DNHD1: variants seen among roughly 807,000 people sequenced by gnomAD.
DNHD1 encodes the protein dynein heavy chain domain-containing protein 1.
Under a neutral mutation model 458.1 loss-of-function variants are expected in DNHD1, and 383 were observed. That is an observed-to-expected ratio of 0.84 (90% CI 0.77 to 0.91). The LOEUF is 0.91. Among genes scored for constraint, DNHD1 ranks in the 40% least tolerant of loss-of-function variants. The probability of loss-of-function intolerance (pLI) is 0.00; values close to 1 mark genes in which losing one functional copy is unlikely to be tolerated. For missense variants in DNHD1, 5,336 were observed against 5,866.1 expected (o/e 0.91, Z 2.95); for synonymous variants, 2,203 against 2,376.9 (o/e 0.93, Z 2.13).
In DNHD1 at chr11:6,557,951, G is replaced by C; in HGVS notation, c.8656G>C (p.Gly2886Arg). ...GGTGCTGGCCAGGCCCCGGCAGCAT[G>C]GCCTGCTGCTCTCGGGGGCTCTGGG... ...VRVLARPRQH[G>R]LLLSGALGTG... is the part of the protein sequence containing the mutation. The change falls in exon 25 of 43, where the codon GGC (glycine) becomes CGC (arginine). Residue 2886 changes from glycine to arginine, a missense_variant. By Grantham distance (125) the Gly-to-Arg change is moderately radical. Around this residue, in one of 4 missense-constraint regions of DNHD1, gnomAD observed 3,932 missense variants for 4,365.6 expected, o/e 0.90. Transcript: ENST00000254579. 2 of 1,551,644 alleles carry C rather than the reference G, an allele frequency of 1.3e-6. No individual in the cohort carries two copies. The highest frequency in any genetic ancestry group is 1.7e-6 in the Non-Finnish European group (2 of 1,147,002).
rs922090979 is a variant in DNHD1 at position 6,505,712 on chromosome 11, G to A, written c.920+2786G>A. 2.0e-5 allele frequency among the ~76,000 whole-genome samples: 3 copies of A among 152,158 alleles called. No homozygotes were observed. The highest frequency in any genetic ancestry group is 7.2e-5 in the African/African-American group (3 of 41,436). ...CTAATATAGGATCTTCTTTGGTTTG[G>A]TAATGTCCTTGGCCTAAAACAGTAC... On this transcript the variant is annotated intron_variant, in intron 4 of 42. Coordinates refer to ENST00000254579, the MANE Select transcript of DNHD1 (RefSeq NM_144666.3). The surrounding 1 kb of genome is among the most constrained non-coding windows in gnomAD (Gnocchi z 4.4).
chr11:6,571,488 G>A lies in DNHD1; in HGVS notation c.13911+65G>A. The A allele has an allele frequency of 6.7e-7, 1 of 1,482,246 alleles. No homozygotes were observed. Among genetic ancestry groups the A allele is most frequent in the Non-Finnish European group, 9.0e-7 (1 of 1,110,122 alleles). 91.8% of individuals were successfully genotyped at this position (1,482,246 alleles called of 1,614,324 possible). A position where few individuals can be genotyped will look rare whatever the true frequency, so the allele number is the denominator to read the frequency against. ...TCGAAGTCTCTAATTACACCTCGCA[G>A]TTACCCCTTCTTGGTGATCTTGCCC... On this transcript the variant is annotated intron_variant, in intron 42 of 42. Transcript: ENST00000254579. This position sits in a 1 kb window ranked among gnomAD's most constrained non-coding sequence, Gnocchi z 5.0.
intron 24 of DNHD1, among the ~76,000 whole-genome samples, chr11:6,550,707 C>T (rs752688115): frequency 6.6e-6 from 1 of 151,980 alleles, no homozygotes; most frequent in Non-Finnish European, 1.5e-5. Flanking sequence ...AAATAGTTTG[C>T]ATAAGGAAGT....
intron 17 of DNHD1, 121 bp from the exon 18 acceptor site, chr11:6,539,755 C>T: frequency 4.6e-6 from 4 of 862,304 alleles, no homozygotes; most frequent in East Asian, 2.7e-5. Context: ...ATCTCTGAGA[C>T]CTCCACTTTC....
intron 10 of DNHD1, chr11:6,520,566 C>G (rs1032443487): frequency 7.9e-7 from 1 of 1,264,196 alleles, no homozygotes; most frequent in African/African-American, 1.5e-5. Context: ...TGATTCATCC[C>G]AAACTCTGTG....
At chr11:6,506,834 T>C (rs1237910867) in intron 4 of DNHD1, among the ~76,000 whole-genome samples, 2 of 152,186 alleles carry the variant, frequency 1.3e-5, no homozygotes. Flanking sequence ...GGGAGGGGTT[T>C]GGGTTTGTTG....
chr11:6,550,896 T>C (rs2134436793), intron 24 of DNHD1, among the ~76,000 whole-genome samples: 1 of 152,262 alleles, frequency 6.6e-6, no homozygotes, highest in African/African-American at 2.4e-5. Flanking sequence ...AAAAGAGACA[T>C]AGTAAATCTG....
chr11:6,520,001 G>T lies in DNHD1; in HGVS notation c.1684G>T (p.Val562Phe). 6.2e-7 allele frequency: 1 copy of T among 1,614,130 alleles called. No individual in the cohort carries two copies. Among genetic ancestry groups the T allele is most frequent in the Non-Finnish European group, 8.5e-7 (1 of 1,180,040 alleles). ...RQKPFLSSQL[V>F]FDDHGQLSHV... ...GAAACCCTTTCTCTCATCACAGCTG[G>T]TCTTTGATGATCATGGTCAACTGTC... Residue 562 changes from valine to phenylalanine, a missense_variant, in exon 9 of 43, where the codon GTC becomes TTC. By Grantham distance (50) the Val-to-Phe change is conservative. Coordinates refer to ENST00000254579, the MANE Select transcript of DNHD1 (RefSeq NM_144666.3).
chr11:6,534,872 G>C (rs1024568978), intron 14 of DNHD1, among the ~76,000 whole-genome samples: 1 of 152,156 alleles, frequency 6.6e-6, no homozygotes, highest in African/African-American at 2.4e-5. Flanking sequence ...TCAGCCTCCT[G>C]AGTAGCTGGG....
At chr11:6,512,098 T>C (rs1050566949) in intron 7 of DNHD1, among the ~76,000 whole-genome samples, 6 of 152,176 alleles carry the variant, frequency 3.9e-5, no homozygotes, top group African/African-American at 1.2e-4. Flanking sequence ...TGAGCCAGGT[T>C]TTGGGTTCTA....
Position 6,556,643 on chromosome 11 carries a change from AC to A in DNHD1, c.7388-39del, listed in dbSNP as rs753377479. The A allele has an allele frequency of 1.7e-5, 26 of 1,491,464 alleles. No individual in the cohort carries two copies. In the South Asian group the frequency reaches 3.0e-4, roughly 17 times the overall value. 92.4% of individuals were successfully genotyped at this position (1,491,464 alleles called of 1,614,324 possible). A position where few individuals can be genotyped will look rare whatever the true frequency, so the allele number is the denominator to read the frequency against. Reference sequence around the variant, plus strand: ...GGAACAGGTTGATACTCTCATGTGGACTTTTACATGTCCTCATTATTATTCC... The same window carrying A: ...GGAACAGGTTGATACTCTCATGTGGATTTTACATGTCCTCATTATTATTCC... On this transcript the variant is annotated intron_variant, in intron 24 of 42. Transcript: ENST00000254579.
intron 7 of DNHD1, among the ~76,000 whole-genome samples, chr11:6,511,630 T>G (rs1031125119): frequency 6.6e-6 from 1 of 152,208 alleles, no homozygotes; most frequent in African/African-American, 2.4e-5. Context: ...AGGCTTGAAC[T>G]AGACCTTTCC....
chr11:6,559,179 A>G lies in DNHD1; in HGVS notation c.9417-2A>G. The G allele has an allele frequency of 6.4e-7, 1 of 1,551,708 alleles. No homozygotes were observed. The highest frequency in any genetic ancestry group is 8.7e-7 in the Non-Finnish European group (1 of 1,146,994). ...TTCCTCACCAGCACATTGTATCTCC[A>G]GGGTCCAGAATGCCTTGGAGAATCT... On this transcript the variant is annotated splice_acceptor_variant, in intron 27 of 42. Coordinates refer to ENST00000254579, the MANE Select transcript of DNHD1 (RefSeq NM_144666.3). LOFTEE classifies it high-confidence loss of function.
At chr11:6,528,436 T>C in intron 10 of DNHD1, 86 bp from the exon 11 acceptor site, 4 of 1,160,376 alleles carry the variant, frequency 3.4e-6, no homozygotes, top group Non-Finnish European at 4.8e-6. Context: ...TGTGTGTGTG[T>C]ACACACACTG....
rs1589887127 is a variant in DNHD1 at position 6,548,497 on chromosome 11, C to G, written c.7098+95C>G. On this transcript the variant is annotated intron_variant, in intron 23 of 42. Transcript: ENST00000254579. The surrounding 1 kb of genome is among the most constrained non-coding windows in gnomAD (Gnocchi z 4.4). ...AAGATCAGCTGAGGCCCACTTGCTC[C>G]CTTTCTTTGATATATTTTCACAATC... The G allele has an allele frequency of 7.5e-6, 11 of 1,459,992 alleles. No homozygotes were observed. The East Asian group carries it at 2.5e-4, about 33-fold the overall frequency. The allele number at this position is 1,459,992 out of a possible 1,614,324, so 90.4% of individuals were successfully genotyped here.
chr11:6,566,990 C>T lies in DNHD1; in HGVS notation c.11481C>T (p.Cys3827=), dbSNP rs748068590. 4 of 1,613,992 alleles carry T rather than the reference C, an allele frequency of 2.5e-6. No homozygotes were observed. The South Asian group carries it at 3.3e-5, about 13-fold the overall frequency. The change falls in exon 36 of 43, where the codon TGC becomes TGT. Residue 3827 remains cysteine (C), a synonymous_variant. Transcript: ENST00000254579. ...RNIVRAQGKL[C]QLRAHCEELE... is the part of the protein sequence containing the mutation. ...TAGTGAGGGCCCAAGGAAAGCTATG[C>T]CAGCTGCGTGCTCATTGTGAAGAGT...
Position 6,563,973 on chromosome 11 carries a change from AT to A in DNHD1, c.10136del (p.Leu3379TrpfsTer34), listed in dbSNP as rs1251163694. On this transcript the variant is annotated frameshift_variant, in exon 31 of 43. Transcript: ENST00000254579. LOFTEE classifies it high-confidence loss of function. ...QFQAQETLEH[N>X]LALAKMVEDA... Reference sequence around the variant, plus strand: ...CAGGCCCAGGAGACCCTGGAGCATAATTTGGCCCTGGCTAAGATGGTGGAGG... The same window carrying A: ...CAGGCCCAGGAGACCCTGGAGCATAATTGGCCCTGGCTAAGATGGTGGAGG... The A allele has an allele frequency of 6.4e-7, 1 of 1,551,740 alleles. No individual in the cohort carries two copies.
chr11:6,533,958 G>A lies in DNHD1; in HGVS notation c.2783G>A (p.Ser928Asn), dbSNP rs1013429448. 5 of 1,551,426 alleles carry A rather than the reference G, an allele frequency of 3.2e-6. No homozygotes were observed. The Admixed American group carries it at 7.8e-5, about 24-fold the overall frequency. Residue 928 changes from serine (S) to asparagine (N), a missense_variant, in exon 14 of 43, where the codon AGC (serine) becomes AAC (asparagine). Physicochemically the swap from Ser to Asn is conservative, Grantham distance 46. This residue lies in a region of DNHD1 where 3,932 missense variants were observed against 4,365.6 expected (regional missense o/e 0.90). Coordinates refer to ENST00000254579, the MANE Select transcript of DNHD1 (RefSeq NM_144666.3). ...AGCCAGGCTTCAGAGTTCCTGCTCA[G>A]CAAGCGACATGCCATTATGCCCAAG... ...EKSQASEFLLSKRHAIMPKLQ... is the reference protein window; with the variant it reads ...EKSQASEFLLNKRHAIMPKLQ...
chr11:6,525,745 T>G (rs1852698107), intron 10 of DNHD1, among the ~76,000 whole-genome samples: 1 of 152,238 alleles, frequency 6.6e-6, no homozygotes, highest in African/African-American at 2.4e-5. Context: ...ACTTTTTTCC[T>G]TTGTGTATCT....
Sources: allele counts gnomAD v4.1 joint callset (sites outside exome capture counted in the v4.1 genomes callset), GRCh38; gene constraint gnomAD v4.1.1; regional missense constraint gnomAD v4.1.1; non-coding constraint Gnocchi (gnomAD v3.1); transcripts MANE v1.5; gene names NCBI Gene and HGNC (gene_info 2026-07-23, HGNC 2026-07-21).